The following HDGFL2 variants were observed in gnomAD, a reference collection of about 807,000 sequenced individuals.
The protein encoded by HDGFL2 is HDGF like 2, also known as hepatoma-derived growth factor-related protein 2.
Under a neutral mutation model 77.1 loss-of-function variants are expected in HDGFL2, and 36 were observed. That is an observed-to-expected ratio of 0.47 (90% confidence interval 0.36 to 0.62). HDGFL2 has a LOEUF of 0.62. Among genes scored for constraint, HDGFL2 ranks in the 20% least tolerant of loss-of-function variants. The pLI is 0.00. For synonymous variants in HDGFL2, 463 were observed against 413.1 expected (o/e 1.12, Z -1.46); for missense variants, 976 against 973.4 (o/e 1.00, Z -0.04).
intron 3 of HDGFL2, among the ~76,000 whole-genome samples, chr19:4,477,047 C>A (rs909192436): frequency 7.9e-5 from 12 of 152,112 alleles, no homozygotes; most frequent in African/African-American, 2.9e-4. Context: ...AGGGGCCCAG[C>A]CTTTGGCTTT....
intron 14 of HDGFL2, 117 bp from the exon 15 acceptor site, chr19:4,501,073 TG>T: frequency 8.0e-7 from 1 of 1,246,380 alleles, no homozygotes; most frequent in Non-Finnish European, 1.1e-6. Context: ...TCCAGGTGGA[TG>T]GGCATGTGTC....
chr19:4,480,875 T>G (rs1359646833), intron 3 of HDGFL2, among the ~76,000 whole-genome samples: 1 of 151,814 alleles, frequency 6.6e-6, no homozygotes, highest in Admixed American at 6.6e-5. Context: ...TTTATTTTTT[T>G]AGACTGAGTC....
intron 13 of HDGFL2, 88 bp downstream of exon 13, chr19:4,499,003 C>G: frequency 2.2e-6 from 2 of 900,424 alleles, no homozygotes; most frequent in Non-Finnish European, 3.5e-6. Context: ...CAGCAGGTTC[C>G]TGTCGGGACA....
At chr19:4,499,416 C>A in intron 13 of HDGFL2, 75 bp from the exon 14 acceptor site, 3 of 1,390,334 alleles carry the variant, frequency 2.2e-6, no homozygotes, top group Non-Finnish European at 3.0e-6. Context: ...GGGCGCATTG[C>A]TGGGGCGAGG....
chr19:4,475,448 C>T lies in HDGFL2; in HGVS notation c.153C>T (p.Ala51=). 1 of 1,613,762 alleles carries T rather than the reference C, an allele frequency of 6.2e-7. No homozygotes were observed. Among genetic ancestry groups the T allele is most frequent in the South Asian group, 1.1e-5 (1 of 91,076 alleles). ...PIFFFGTHET[A]FLGPKDLFPY... Reference sequence around the variant, plus strand: ...GGCCCCCGTTTCCCTTCTCCAGAGCCTTCCTGGGACCCAAGGACCTGTTCC... The same window carrying T: ...GGCCCCCGTTTCCCTTCTCCAGAGCTTTCCTGGGACCCAAGGACCTGTTCC... The change falls in exon 3 of 16, where the codon GCC becomes GCT. Residue 51 remains alanine (A), a synonymous_variant. Coordinates refer to ENST00000616600, the MANE Select transcript of HDGFL2 (RefSeq NM_001001520.3).
intron 3 of HDGFL2, among the ~76,000 whole-genome samples, chr19:4,481,857 G>A (rs55993233): frequency 0.057 from 8,663 of 151,996 alleles, 373 homozygotes; most frequent in Non-Finnish European, 0.083. Flanking sequence ...CTTAGGAAGC[G>A]CTCACTGGAT....
chr19:4,491,515 C>A, intron 4 of HDGFL2, 51 bp from the exon 5 acceptor site: 1 of 1,544,542 alleles, frequency 6.5e-7, no homozygotes, highest in Non-Finnish European at 8.9e-7. Context: ...GGGCTTCCTG[C>A]CAGGAGCCCG....
chr19:4,472,553 T>G, intron 1 of HDGFL2, 131 bp downstream of exon 1: 3 of 410,288 alleles, frequency 7.3e-6, no homozygotes, highest in East Asian at 5.5e-5. Context: ...GGTCTGGGGT[T>G]CATGGGGTCT....
At chr19:4,495,416 C>T (rs1385214341) in intron 9 of HDGFL2, among the ~76,000 whole-genome samples, 1 of 135,694 alleles carries the variant, frequency 7.4e-6, no homozygotes, top group East Asian at 2.1e-4. Flanking sequence ...AAAATAGGCT[C>T]CGAATGAAGG....
At chr19:4,499,387 C>A in intron 13 of HDGFL2, 104 bp from the exon 14 acceptor site, 1 of 978,788 alleles carries the variant, frequency 1.0e-6, no homozygotes, top group Non-Finnish European at 1.5e-6. Context: ...AGCTGTGCTC[C>A]CGGGAGGGGC....
chr19:4,472,450 TGGGG>T (rs57169858), intron 1 of HDGFL2, 28 bp downstream of exon 1: 42 of 282,818 alleles, frequency 1.5e-4, no homozygotes, highest in African/African-American at 6.8e-4. Flanking sequence ...ATGGGGCCGG[TGGGG>T]GGGGGGGGGG....
Position 4,499,614 on chromosome 19 carries a change from GAGA to G in HDGFL2, c.1702_1704del (p.Lys568del), listed in dbSNP as rs752894033. The G allele has an allele frequency of 6.2e-7, 1 of 1,604,266 alleles. No homozygotes were observed. Among genetic ancestry groups the G allele is most frequent in the Admixed American group, 1.7e-5 (1 of 58,142 alleles). On this transcript the variant is annotated inframe_deletion, in exon 14 of 16. Coordinates refer to ENST00000616600, the MANE Select transcript of HDGFL2 (RefSeq NM_001001520.3). ...GCAGAAAGTGAACAAGGCTGGGATGGAGAAGGAGAAGGCCGAGGAGAAGCTGGC... is the reference window on the plus strand; with the variant it reads ...GCAGAAAGTGAACAAGGCTGGGATGGAGGAGAAGGCCGAGGAGAAGCTGGC...
At chr19:4,484,434 A>G (rs1975306720) in intron 3 of HDGFL2, among the ~76,000 whole-genome samples, 1 of 151,728 alleles carries the variant, frequency 6.6e-6, no homozygotes, top group Non-Finnish European at 1.5e-5. Flanking sequence ...CATTTTAATC[A>G]TTTAAGAGTA....
intron 3 of HDGFL2, among the ~76,000 whole-genome samples, chr19:4,477,802 C>T (rs1459222151): frequency 2.6e-5 from 4 of 152,060 alleles, no homozygotes; most frequent in Non-Finnish European, 5.9e-5. Context: ...AGATTCCTGG[C>T]TGGGCACTGT....
At chr19:4,490,959 A>G (rs1975491297) in intron 4 of HDGFL2, among the ~76,000 whole-genome samples, 1 of 151,922 alleles carries the variant, frequency 6.6e-6, no homozygotes, top group African/African-American at 2.4e-5. Flanking sequence ...TTACAGGCAT[A>G]CGCCACCACA....
intron 3 of HDGFL2, among the ~76,000 whole-genome samples, chr19:4,480,458 C>A (rs1034647103): frequency 6.6e-6 from 1 of 152,188 alleles, no homozygotes; most frequent in Non-Finnish European, 1.5e-5. Context: ...GTGGCTCACA[C>A]CTGTAATCCC....
chr19:4,496,164 C>A, intron 9 of HDGFL2, 138 bp from the exon 10 acceptor site: 1 of 700,476 alleles, frequency 1.4e-6, no homozygotes, highest in Non-Finnish European at 2.5e-6. Context: ...CCTCCTCTCC[C>A]ATCCTGCCCC....
intron 9 of HDGFL2, among the ~76,000 whole-genome samples, chr19:4,495,879 G>A (rs1180897254): frequency 3.3e-5 from 5 of 152,156 alleles, no homozygotes; most frequent in African/African-American, 1.2e-4. Flanking sequence ...AATGTGGCCT[G>A]AATCCAGAGT....
chr19:4,496,190 T>C (rs957555112), intron 9 of HDGFL2, 112 bp from the exon 10 acceptor site: 5 of 831,114 alleles, frequency 6.0e-6, no homozygotes, highest in Admixed American at 4.1e-5. Flanking sequence ...CTTCAAACAG[T>C]GTGGAGGGCG....
Sources: gnomAD v4.1 joint callset for allele counts (sites outside exome capture counted in the v4.1 genomes callset) on GRCh38, gnomAD v4.1.1 for gene constraint, MANE v1.5 for transcripts, NCBI Gene and HGNC (gene_info 2026-07-23, HGNC 2026-07-21) for gene names.